The following CDYL variants were observed in gnomAD, a reference collection of about 807,000 sequenced individuals.
CDYL encodes the protein chromodomain Y-like protein.
Under a neutral mutation model 47.3 loss-of-function variants are expected in CDYL, and 8 were observed. The observed-to-expected ratio is 0.17, with a 90% CI of 0.10 to 0.31. The LOEUF is 0.31. Among genes scored for constraint, CDYL ranks in the 10% least tolerant of loss-of-function variants. The probability of loss-of-function intolerance (pLI) is 1.00; values close to 1 mark genes in which losing one functional copy is unlikely to be tolerated. For missense variants in CDYL, 471 were observed against 701.4 expected (o/e 0.67, Z 3.71); for synonymous variants, 266 against 265.0 (o/e 1.00, Z -0.04).
chr6:4,800,062 T>G (rs1164276213), intron 1 of CDYL, among the ~76,000 whole-genome samples: 1 of 152,186 alleles, frequency 6.6e-6, no homozygotes, highest in Non-Finnish European at 1.5e-5. Context: ...AAATTGTTCT[T>G]TAGAAACCAG....
intron 2 of CDYL, among the ~76,000 whole-genome samples, chr6:4,900,377 T>G (rs1167746213): frequency 6.6e-6 from 1 of 152,176 alleles, no homozygotes; most frequent in Non-Finnish European, 1.5e-5. Flanking sequence ...CTTACCCAGA[T>G]TCACCAATTG....
intron 3 of CDYL, among the ~76,000 whole-genome samples, chr6:4,758,214 C>T (rs1758105488): frequency 6.6e-6 from 1 of 151,372 alleles, no homozygotes. Flanking sequence ...TGGCTCATGC[C>T]TGTAGTCCCA....
Position 4,871,764 on chromosome 6 carries a change from G to A in CDYL, c.25-19949G>A, listed in dbSNP as rs185737329. Among the ~76,000 whole-genome samples the A allele has an allele frequency of 1.5e-4, 23 of 152,256 alleles. No individual in the cohort carries two copies. In the East Asian group the frequency reaches 4.4e-3, roughly 29 times the overall value. Reference sequence around the variant, plus strand: ...AGCTTTAGAAGAAATACAAAGGGGCGCTTTCTCACAAAAACTGCTAAGTAC... The same window carrying A: ...AGCTTTAGAAGAAATACAAAGGGGCACTTTCTCACAAAAACTGCTAAGTAC... On this transcript the variant is annotated intron_variant, in intron 1 of 6. Transcript: ENST00000397588.
intron 2 of CDYL, among the ~76,000 whole-genome samples, chr6:4,908,041 C>T (rs1187085970): frequency 1.3e-5 from 2 of 152,206 alleles, no homozygotes; most frequent in Non-Finnish European, 2.9e-5. Context: ...TCAGGGGGCT[C>T]ATGGGCTGTC....
intron 2 of CDYL, among the ~76,000 whole-genome samples, chr6:4,719,126 T>C (rs1420155742): frequency 6.6e-6 from 1 of 152,030 alleles, no homozygotes; most frequent in Non-Finnish European, 1.5e-5. Context: ...AGTTTTGCCA[T>C]GTTGGCCAGG....
chr6:4,769,965 TTGTGTGTGTGTGTGTGTGTGTGTGTG>T (rs58041362), intron 3 of CDYL, among the ~76,000 whole-genome samples: 2 of 137,816 alleles, frequency 1.5e-5, no homozygotes, highest in African/African-American at 2.7e-5. Flanking sequence ...CCCGGCTAAT[TTGTGTGTGTGTGTGTGTGTGTGTGTG>T]TGTGTGTGTG....
intron 1 of CDYL, among the ~76,000 whole-genome samples, chr6:4,856,724 T>A (rs1462393516): frequency 6.6e-6 from 1 of 152,154 alleles, no homozygotes; most frequent in Admixed American, 6.5e-5. Flanking sequence ...TGGGGAAGAC[T>A]GAGATGGAGT....
At chr6:4,710,917 C>CCACACACA (rs67002698) in intron 1 of CDYL, among the ~76,000 whole-genome samples, 2 of 149,504 alleles carry the variant, frequency 1.3e-5, no homozygotes, top group African/African-American at 2.5e-5. Context: ...GGTGTTCTCA[C>CCACACACA]CACACACACA....
chr6:4,916,659 A>G (rs1222538707), intron 2 of CDYL, among the ~76,000 whole-genome samples: 3 of 152,202 alleles, frequency 2.0e-5, no homozygotes, highest in African/African-American at 7.2e-5. Context: ...TCTTTCAGTG[A>G]TGCTGACCAT....
intron 5 of CDYL, among the ~76,000 whole-genome samples, chr6:4,949,069 G>A (rs1758616336): frequency 6.6e-6 from 1 of 152,250 alleles, no homozygotes; most frequent in Non-Finnish European, 1.5e-5. Flanking sequence ...AAATAGTGCA[G>A]GCTGTGTGGC....
intron 3 of CDYL, among the ~76,000 whole-genome samples, chr6:4,740,664 A>G (rs941579611): frequency 6.6e-6 from 1 of 152,148 alleles, no homozygotes; most frequent in Non-Finnish European, 1.5e-5. Context: ...AATACTGGAC[A>G]CTGACTAGAC....
chr6:4,889,988 A>C, intron 1 of CDYL: 1 of 985,348 alleles, frequency 1.0e-6, no homozygotes. Flanking sequence ...AACCAGTGGT[A>C]CATGGTTAAG....
chr6:4,772,086 C>T (rs1322969328), upstream of CDYL, among the ~76,000 whole-genome samples: 3 of 152,108 alleles, frequency 2.0e-5, no homozygotes, highest in Non-Finnish European at 4.4e-5. Context: ...AAAAAGGAAC[C>T]GTACTTAAAC....
intron 2 of CDYL, among the ~76,000 whole-genome samples, chr6:4,902,426 GT>G (rs1267540466): frequency 3.4e-4 from 51 of 149,764 alleles, no homozygotes; most frequent in Non-Finnish European, 7.1e-4. Context: ...AAAAAAGACA[GT>G]AGGTACTGAG....
chr6:4,778,360 G>A (rs1482977283), intron 1 of CDYL, among the ~76,000 whole-genome samples: 1 of 152,210 alleles, frequency 6.6e-6, no homozygotes, highest in Non-Finnish European at 1.5e-5. Context: ...TGTATCCTAT[G>A]TGTGTAAGAA....
intron 2 of CDYL, among the ~76,000 whole-genome samples, chr6:4,914,591 C>G (rs747168962): frequency 6.6e-6 from 1 of 152,216 alleles, no homozygotes; most frequent in Non-Finnish European, 1.5e-5. Flanking sequence ...AGCCATCCTG[C>G]AAGTTCAAGA....
At position 4,780,515 on chromosome 6, in the gene CDYL, C is replaced by T. The variant is rs191668518; in HGVS notation, c.24+3708C>T. ...AACTCCTGGTCTCAAGTGATCCGCC[C>T]ACCTTGGCCTCCCAAAGTGCTGGGA... On this transcript the variant is annotated intron_variant, in intron 1 of 6. Transcript: ENST00000397588. Among the ~76,000 whole-genome samples the T allele has an allele frequency of 2.4e-3, 358 of 151,414 alleles. 1 individual carries two copies. The highest frequency in any genetic ancestry group is 6.1e-3 in the South Asian group (29 of 4,780).
At chr6:4,840,970 A>G (rs1185614015) in intron 1 of CDYL, among the ~76,000 whole-genome samples, 1 of 152,128 alleles carries the variant, frequency 6.6e-6, no homozygotes, top group Non-Finnish European at 1.5e-5. Flanking sequence ...CTTGTGGAAT[A>G]GTGTCAATAG....
chr6:4,873,410 T>C (rs762376573), intron 1 of CDYL, among the ~76,000 whole-genome samples: 3 of 152,262 alleles, frequency 2.0e-5, no homozygotes, highest in East Asian at 1.9e-4. Flanking sequence ...CAATCTCATA[T>C]TGGGGAGGAA....
Sources: allele counts gnomAD v4.1 joint callset (sites outside exome capture counted in the v4.1 genomes callset), GRCh38; gene constraint gnomAD v4.1.1; transcripts MANE v1.5; gene names NCBI Gene and HGNC (gene_info 2026-07-23, HGNC 2026-07-21).